Variants in DUOX2 observed in about 807,000 individuals in gnomAD.
The protein encoded by DUOX2 is NADH/NADPH thyroid oxidase p138-tox.
A neutral mutation model predicts 183.3 loss-of-function variants in DUOX2; 185 were observed. The observed-to-expected ratio is 1.01, with a 90% CI of 0.90 to 1.14. DUOX2 has a LOEUF of 1.14. DUOX2 is among the 50% of genes most tolerant of loss of function. DUOX2 has a pLI of 0.00. For synonymous variants in DUOX2, 788 were observed against 812.4 expected, an observed-to-expected ratio of 0.97 and a Z score of 0.51; for missense variants, 1,999 against 2,022.9, an observed-to-expected ratio of 0.99 and a Z score of 0.23.
chr15:45,101,082 A>G (rs1229193380), intron 22 of DUOX2, 123 bp downstream of exon 22: 5 of 890,898 alleles, frequency 5.6e-6, no homozygotes, highest in East Asian at 5.2e-5. Flanking sequence ...TTGTGCTACC[A>G]TGAGCTACTT....
In DUOX2 at chr15:45,104,269, A is replaced by G. The variant is rs1041969242; in HGVS notation, c.2431T>C (p.Phe811Leu). The change falls in exon 19 of 34, where the codon TTT becomes CTT. Residue 811 changes from phenylalanine to leucine, a missense_variant. This residue lies in a region of DUOX2 where 1,628 missense variants were observed against 1,608.6 expected (regional missense o/e 1.01). Coordinates refer to ENST00000389039, the MANE Select transcript of DUOX2 (RefSeq NM_001363711.2). ...GGCTTGAGGCCCAGGGACTCGGCAAACTCGGCCCTGCTCAGCTCGCAGGTC... is the reference window on the plus strand; with the variant it reads ...GGCTTGAGGCCCAGGGACTCGGCAAGCTCGGCCCTGCTCAGCTCGCAGGTC... Reference protein sequence around the residue: ...ALTCELSRAEFAESLGLKPQD... With the variant: ...ALTCELSRAELAESLGLKPQD... The G allele has an allele frequency of 8.1e-6, 13 of 1,613,978 alleles. No homozygotes were observed. The highest frequency in any genetic ancestry group is 1.1e-5 in the Non-Finnish European group (13 of 1,179,994).
chr15:45,100,892 A>T (rs1894064205), intron 22 of DUOX2, 54 bp from the exon 23 acceptor site: 3 of 1,322,194 alleles, frequency 2.3e-6, no homozygotes, highest in South Asian at 2.4e-5. Flanking sequence ...CAGGAGAACA[A>T]CTCCCTGGGC....
intron 12 of DUOX2, 158 bp downstream of exon 12, chr15:45,108,631 T>C (rs2141154337): frequency 1.1e-5 from 9 of 844,962 alleles, no homozygotes; most frequent in South Asian, 4.8e-5. Context: ...CCCTCCTCTA[T>C]GATTTACCAA....
At chr15:45,102,118 G>A (rs1448730604) in intron 20 of DUOX2, 129 bp from the exon 21 acceptor site, 3 of 1,203,540 alleles carry the variant, frequency 2.5e-6, no homozygotes, top group Admixed American at 4.0e-5. Context: ...CTGAGAAGGT[G>A]CTCATCCAGC....
Position 45,100,767 on chromosome 15 carries a change from C to T in DUOX2, c.2993G>A (p.Arg998Lys). The T allele has an allele frequency of 6.2e-7, 1 of 1,614,078 alleles. No homozygotes were observed. Among genetic ancestry groups the T allele is most frequent in the Non-Finnish European group, 8.5e-7 (1 of 1,179,958 alleles). Reference sequence around the variant, plus strand: ...GGGAGACACTCACTTTTTGCCAAACCTCTTCTTCAGTCCAGGGCCTCCCAG... The same window carrying T: ...GGGAGACACTCACTTTTTGCCAAACTTCTTCTTCAGTCCAGGGCCTCCCAG... ...PELGGPGLKK[R>K]FGKKAAVPTP... The change falls in exon 23 of 34, where the codon AGG (arginine) becomes AAG (lysine). Residue 998 changes from arginine to lysine, a missense_variant. Physicochemically the swap from Arg to Lys is conservative, Grantham distance 26. This residue lies in a region of DUOX2 where 1,628 missense variants were observed against 1,608.6 expected (regional missense o/e 1.01). Coordinates refer to ENST00000389039, the MANE Select transcript of DUOX2 (RefSeq NM_001363711.2).
intron 27 of DUOX2, 47 bp downstream of exon 27, chr15:45,097,961 CA>C: frequency 1.3e-6 from 2 of 1,599,194 alleles, no homozygotes; most frequent in Non-Finnish European, 1.7e-6. Context: ...GAGATGGAGA[CA>C]AAAGCAGAAG....
intron 18 of DUOX2, among the ~76,000 whole-genome samples, chr15:45,105,345 A>G (rs1304702713): frequency 2.0e-5 from 3 of 152,242 alleles, no homozygotes; most frequent in African/African-American, 7.2e-5. Flanking sequence ...TCCAGAGGCC[A>G]ACCTCTGTGT....
chr15:45,108,121 G>A lies in DUOX2; in HGVS notation c.1500C>T (p.Phe500=), dbSNP rs369772970. 4 of 1,614,158 alleles carry A rather than the reference G, an allele frequency of 2.5e-6. No homozygotes were observed. The highest frequency in any genetic ancestry group is 3.4e-6 in the Non-Finnish European group (4 of 1,180,018). Residue 500 remains phenylalanine, a synonymous_variant, in exon 13 of 34, where the codon TTC becomes TTT. Transcript: ENST00000389039. ...CAAACTGGTCGAGGACAATGGCACT[G>A]AACAGGGGTCCAGGGTCCCCATGGC... ...LESHGDPGPL[F]SAIVLDQFVR...
intron 2 of DUOX2, 39 bp from the exon 3 acceptor site, chr15:45,113,115 C>T: frequency 1.9e-6 from 3 of 1,594,770 alleles, no homozygotes; most frequent in South Asian, 2.2e-5. Context: ...CACTACGCTC[C>T]CAGCTACCCC....
In DUOX2 at chr15:45,113,394, T is replaced by C. The variant is rs760581221; in HGVS notation, c.18A>G (p.Pro6=). 2.2e-5 allele frequency: 34 copies of C among 1,565,290 alleles called. 1 individual carries two copies. The South Asian group carries it at 3.6e-4, about 17-fold the overall frequency. Residue 6 remains proline (P), a synonymous_variant, in exon 2 of 34, where the codon CCA becomes CCG. Coordinates refer to ENST00000389039, the MANE Select transcript of DUOX2 (RefSeq NM_001363711.2). ...GAGCTCCCAGGAGCATCAGTGCCTC[T>C]GGTCTTGCACGGAGCATGCCAACCC... MLRAR[P]EALMLLGALL...
At chr15:45,099,098 C>T in intron 26 of DUOX2, 1 of 368,852 alleles carries the variant, frequency 2.7e-6, no homozygotes, top group Non-Finnish European at 5.2e-6. Flanking sequence ...GCAAGCTCCG[C>T]CTCTTGGGTT....
chr15:45,097,331 C>G lies in DUOX2; in HGVS notation c.3754G>C (p.Val1252Leu). Residue 1252 changes from valine (V) to leucine (L), a missense_variant, in exon 29 of 34, where the codon GTC (valine) becomes CTC (leucine). Around this residue, in one of 3 missense-constraint regions of DUOX2, gnomAD observed 1,628 missense variants for 1,608.6 expected, o/e 1.01. Coordinates refer to ENST00000389039, the MANE Select transcript of DUOX2 (RefSeq NM_001363711.2). Reference sequence around the variant, plus strand: ...TCACCTCCATAGATGATTGCCGGGACCAGGAAGTAGATGTGGAAAGTGGGC... The same window carrying G: ...TCACCTCCATAGATGATTGCCGGGAGCAGGAAGTAGATGTGGAAAGTGGGC... ...QLPTFHIYFL[V>L]PAIIYGGDKL... 1 of 1,614,254 alleles carries G rather than the reference C, an allele frequency of 6.2e-7. No individual in the cohort carries two copies. The highest frequency in any genetic ancestry group is 8.5e-7 in the Non-Finnish European group (1 of 1,180,056).
intron 18 of DUOX2, 28 bp from the exon 19 acceptor site, chr15:45,104,393 G>A (rs749527481): frequency 1.9e-6 from 3 of 1,606,990 alleles, no homozygotes; most frequent in African/African-American, 2.7e-5. Flanking sequence ...CAGAGGGAGG[G>A]AAAGAGAAGG....
rs555248175 is a variant in DUOX2 at position 45,106,752 on chromosome 15, G to A, written c.1831+80C>T. The A allele has an allele frequency of 3.8e-5, 61 of 1,605,300 alleles. No individual in the cohort carries two copies. In the Middle Eastern group the frequency reaches 5.0e-4, roughly 13 times the overall value. On this transcript the variant is annotated intron_variant, in intron 15 of 33. Coordinates refer to ENST00000389039, the MANE Select transcript of DUOX2 (RefSeq NM_001363711.2). ...AGGTTCCTTGAGCCTGGTCTCAAAC[G>A]GTACCAAATAGCCAGCCCCTCAGGC...
chr15:45,095,344 G>C (rs1283804253), intron 31 of DUOX2, 93 bp downstream of exon 31: 5 of 1,575,002 alleles, frequency 3.2e-6, no homozygotes, highest in Non-Finnish European at 4.4e-6. Flanking sequence ...TCAGTTCCTG[G>C]AGCCAGGAGC....
rs1016118911 is a variant in DUOX2, at chr15:45,103,847, C to T, written c.2654+113G>A. 3 of 1,108,258 alleles carry T rather than the reference C, an allele frequency of 2.7e-6. No homozygotes were observed. In the African/African-American group the frequency reaches 4.6e-5, roughly 17 times the overall value. 68.7% of individuals were successfully genotyped at this position (1,108,258 alleles called of 1,614,324 possible). A position where few individuals can be genotyped will look rare whatever the true frequency, so the allele number is the denominator to read the frequency against. On this transcript the variant is annotated intron_variant, in intron 20 of 33. Transcript: ENST00000389039. ...AGTTTAGGATGTAGTGTTTAGGCCA[C>T]CTCTCAGCACAGATGACCACAGAGC...
chr15:45,103,308 T>C (rs573052608), intron 20 of DUOX2, among the ~76,000 whole-genome samples: 2 of 152,380 alleles, frequency 1.3e-5, no homozygotes, highest in Admixed American at 6.5e-5. Context: ...CAGTTAGTTA[T>C]GTATGAAATG....
intron 4 of DUOX2, 117 bp downstream of exon 4, chr15:45,112,437 G>T: frequency 7.8e-7 from 1 of 1,289,834 alleles, no homozygotes; most frequent in Non-Finnish European, 1.1e-6. Context: ...GCTGCGTAGA[G>T]AGGAAGTGGT....
chr15:45,094,101 C>T lies in DUOX2; in HGVS notation c.*49G>A, dbSNP rs1456226544. ...CCAGCAGGGCTGGGCAACTTAGGTG[C>T]ACAGAAGAGAAGGCAGGATACTGGA... On this transcript the variant is annotated 3_prime_UTR_variant, in exon 34 of 34. Coordinates refer to ENST00000389039, the MANE Select transcript of DUOX2 (RefSeq NM_001363711.2). The T allele has an allele frequency of 6.2e-7, 1 of 1,613,922 alleles. No individual in the cohort carries two copies. Among genetic ancestry groups the T allele is most frequent in the Admixed American group, 1.7e-5 (1 of 60,022 alleles).
Sources: gnomAD v4.1 joint callset for allele counts (sites outside exome capture counted in the v4.1 genomes callset) on GRCh38, gnomAD v4.1.1 for gene constraint, gnomAD v4.1.1 regional missense constraint, MANE v1.5 for transcripts, NCBI Gene and HGNC (gene_info 2026-07-23, HGNC 2026-07-21) for gene names.